RHEX: variants seen among roughly 807,000 people sequenced by gnomAD.
The protein encoded by RHEX is regulator of hemoglobinization and erythroid cell expansion protein.
In RHEX, 18 loss-of-function variants were observed where a neutral mutation model predicts 20.1. That is an observed-to-expected ratio of 0.90 (90% CI 0.62 to 1.33). The LOEUF is 1.33. Among genes scored for constraint, RHEX ranks in the 40% most tolerant of loss-of-function variants. RHEX has a pLI of 0.00. For synonymous variants in RHEX, 87 were observed against 77.1 expected (o/e 1.13, Z -0.67); for missense variants, 192 against 214.3 (o/e 0.90, Z 0.65).
intron 1 of RHEX, among the ~76,000 whole-genome samples, chr1:206,081,619 A>T (rs530413432): frequency 2.0e-4 from 31 of 152,340 alleles, no homozygotes; most frequent in Non-Finnish European, 4.0e-4. Context: ...AATTAAAGGA[A>T]TCATTATCTC....
At chr1:206,085,226 C>T (rs1553286320) in intron 1 of RHEX, among the ~76,000 whole-genome samples, 1 of 152,144 alleles carries the variant, frequency 6.6e-6, no homozygotes. Flanking sequence ...GCAATGTGTA[C>T]AGAGTGTTAC....
chr1:206,069,948 A>G (rs1662496116), intron 1 of RHEX, among the ~76,000 whole-genome samples: 1 of 152,120 alleles, frequency 6.6e-6, no homozygotes, highest in South Asian at 2.1e-4. Context: ...AATATATGCT[A>G]TTGTTTACAT....
At chr1:206,092,126 G>C (rs1662966864) in intron 1 of RHEX, among the ~76,000 whole-genome samples, 1 of 148,434 alleles carries the variant, frequency 6.7e-6, no homozygotes, top group Non-Finnish European at 1.5e-5. Context: ...GTCTTGCCTT[G>C]TTGCCCAGGC....
rs147209562 is a variant in RHEX, at chr1:206,095,805, A to G, written c.-96-1928A>G. On this transcript the variant is annotated intron_variant, in intron 1 of 5. Transcript: ENST00000331555. ...TACTCCAGCCTGGGCAACAAGGCAA[A>G]ACTCCATCTCAAAAAAAAAGATTTG... 7.4e-4 allele frequency among the ~76,000 whole-genome samples: 113 copies of G among 151,800 alleles called. 1 individual carries two copies. In the East Asian group the frequency reaches 0.018, roughly 25 times the overall value.
At chr1:206,076,627 T>A (rs1662642316) in intron 1 of RHEX, among the ~76,000 whole-genome samples, 1 of 152,242 alleles carries the variant, frequency 6.6e-6, no homozygotes, top group Admixed American at 6.5e-5. Flanking sequence ...GTTTATGCCA[T>A]GTACTTCCCC....
intron 4 of RHEX, 145 bp from the exon 5 acceptor site, chr1:206,100,991 C>T: frequency 1.7e-6 from 1 of 585,982 alleles, no homozygotes; most frequent in Non-Finnish European, 3.0e-6. Context: ...GTCTCTGTAT[C>T]TCTCTTCCCT....
intron 3 of RHEX, 168 bp downstream of exon 3, chr1:206,098,349 C>T: frequency 1.7e-6 from 1 of 599,594 alleles, no homozygotes; most frequent in Admixed American, 2.8e-5. Flanking sequence ...ATAACTGTAT[C>T]TGGGTAATCC....
At chr1:206,100,777 C>A (rs1167185332) in intron 4 of RHEX, among the ~76,000 whole-genome samples, 3 of 152,216 alleles carry the variant, frequency 2.0e-5, no homozygotes, top group African/African-American at 7.2e-5. Flanking sequence ...GTCACATTGT[C>A]CCAGCATGTT....
At chr1:206,083,537 C>T in intron 1 of RHEX, 1 of 985,324 alleles carries the variant, frequency 1.0e-6, no homozygotes. Context: ...TTGTGACTGA[C>T]CTCCAGTGAC....
At chr1:206,060,326 G>C (rs1176363124) in intron 1 of RHEX, 1 of 151,914 alleles carries the variant, frequency 6.6e-6, no homozygotes, top group African/African-American at 2.4e-5. Flanking sequence ...ATTCTGTAGA[G>C]CTCATTTGCA....
intron 1 of RHEX, among the ~76,000 whole-genome samples, chr1:206,070,186 G>A (rs1662499914): frequency 6.6e-6 from 1 of 152,154 alleles, no homozygotes; most frequent in African/African-American, 2.4e-5. Context: ...AGCATTGAGA[G>A]AAATTCTACC....
At chr1:206,053,634 G>A (rs1293267628) in intron 1 of RHEX, among the ~76,000 whole-genome samples, 2 of 152,210 alleles carry the variant, frequency 1.3e-5, no homozygotes, top group African/African-American at 4.8e-5. Context: ...AGATTACAGT[G>A]TTACTGTGAC....
At chr1:206,074,568 T>C (rs1370744025) in intron 1 of RHEX, among the ~76,000 whole-genome samples, 4 of 152,224 alleles carry the variant, frequency 2.6e-5, no homozygotes, top group African/African-American at 9.6e-5. Context: ...CACAGAGTTA[T>C]GCAACCACCC....
At chr1:206,053,376 T>C (rs909956838) in intron 1 of RHEX, 111 bp downstream of exon 1, 14 of 153,036 alleles carry the variant, frequency 9.1e-5, no homozygotes, top group African/African-American at 3.4e-4. Context: ...TTGACTTAGA[T>C]TGTGTGATAC....
chr1:206,093,506 T>C (rs1281527163), intron 1 of RHEX, among the ~76,000 whole-genome samples: 1 of 152,120 alleles, frequency 6.6e-6, no homozygotes, highest in Non-Finnish European at 1.5e-5. Flanking sequence ...CCCGACCTCA[T>C]GATCCACCCA....
At chr1:206,088,890 G>A (rs376919836) in intron 1 of RHEX, among the ~76,000 whole-genome samples, 1 of 151,808 alleles carries the variant, frequency 6.6e-6, no homozygotes, top group East Asian at 1.9e-4. Context: ...GTGCAACCAC[G>A]GCTCATGTAG....
chr1:206,077,728 G>A (rs114158163), intron 1 of RHEX, among the ~76,000 whole-genome samples: 2,831 of 152,322 alleles, frequency 0.019, 79 homozygotes, highest in African/African-American at 0.065. Context: ...GAGACTGAAA[G>A]CCTGGGGATG....
At chr1:206,074,080 TTC>T (rs1354005485) in intron 1 of RHEX, among the ~76,000 whole-genome samples, 1 of 152,160 alleles carries the variant, frequency 6.6e-6, no homozygotes, top group African/African-American at 2.4e-5. Flanking sequence ...ACTGGGCACT[TTC>T]TCTCTCATGG....
chr1:206,079,922 T>A (rs1662705164), intron 1 of RHEX, among the ~76,000 whole-genome samples: 1 of 152,168 alleles, frequency 6.6e-6, no homozygotes, highest in Non-Finnish European at 1.5e-5. Flanking sequence ...ACACCCACAT[T>A]TGCAAACATC....
Sources: gnomAD v4.1 joint callset for allele counts (sites outside exome capture counted in the v4.1 genomes callset) on GRCh38, gnomAD v4.1.1 for gene constraint, MANE v1.5 for transcripts, NCBI Gene and HGNC (gene_info 2026-07-23, HGNC 2026-07-21) for gene names.